Variants in NOL4L observed in about 807,000 individuals in gnomAD.
NOL4L encodes the protein nucleolar protein 4-like.
Under a neutral mutation model 64.5 loss-of-function variants are expected in NOL4L, and 7 were observed. That is an observed-to-expected ratio of 0.11 (90% CI 0.06 to 0.20). The LOEUF (loss-of-function observed/expected upper bound fraction) is 0.20, where lower values mean the gene tolerates loss of function less well. Ranked by LOEUF, NOL4L falls within the 10% of genes least tolerant of loss-of-function variation. The probability of loss-of-function intolerance (pLI) is 1.00; values close to 1 mark genes in which losing one functional copy is unlikely to be tolerated. For missense variants in NOL4L, 680 were observed against 967.1 expected (o/e 0.70, Z 3.94); for synonymous variants, 413 against 401.0 (o/e 1.03, Z -0.36).
chr20:32,581,300 G>A (rs1178111400), intron 1 of NOL4L, among the ~76,000 whole-genome samples: 1 of 152,036 alleles, frequency 6.6e-6, no homozygotes, highest in East Asian at 1.9e-4. Flanking sequence ...AGCTGCAGGA[G>A]GCCCTGTGGA....
At chr20:32,484,602 C>G (rs891446602) in intron 4 of NOL4L, among the ~76,000 whole-genome samples, 5 of 152,110 alleles carry the variant, frequency 3.3e-5, no homozygotes, top group Non-Finnish European at 5.9e-5. Context: ...GCCCCGCCGC[C>G]GGTCATTGTG....
intron 5 of NOL4L, among the ~76,000 whole-genome samples, chr20:32,473,617 G>A (rs1330435806): frequency 6.6e-6 from 1 of 152,190 alleles, no homozygotes; most frequent in Non-Finnish European, 1.5e-5. Flanking sequence ...CAGGCGCGCA[G>A]GTTCTGCCAT....
intron 5 of NOL4L, among the ~76,000 whole-genome samples, chr20:32,470,664 C>T (rs1047856813): frequency 7.2e-5 from 11 of 152,250 alleles, no homozygotes; most frequent in Middle Eastern, 3.2e-3. Context: ...AGAAAGCCCA[C>T]GCCTCAGCCG....
chr20:32,540,389 T>C (rs1302035853), intron 1 of NOL4L, among the ~76,000 whole-genome samples: 2 of 152,158 alleles, frequency 1.3e-5, no homozygotes, highest in African/African-American at 2.4e-5. Context: ...GGACATAGCC[T>C]CACACATGCA....
At chr20:32,471,237 G>A (rs920644796) in intron 5 of NOL4L, among the ~76,000 whole-genome samples, 8 of 149,310 alleles carry the variant, frequency 5.4e-5, no homozygotes, top group Admixed American at 1.3e-4. Context: ...CACTCACCCC[G>A]GTAGAGGCTC....
At chr20:32,477,772 G>A (rs1404037149) in intron 4 of NOL4L, among the ~76,000 whole-genome samples, 1 of 152,138 alleles carries the variant, frequency 6.6e-6, no homozygotes, top group Non-Finnish European at 1.5e-5. Context: ...ACACAGCCAG[G>A]GTTTCTCTGG....
rs1568648357 is a variant in NOL4L, at chr20:32,488,809, CTTTCTTTCTTTCTTTCTTTT to C, written c.700-14087_700-14068del. On this transcript the variant is annotated intron_variant, in intron 4 of 10. Coordinates refer to ENST00000621426, the MANE Select transcript of NOL4L (RefSeq NM_001256798.2). ...TTCCTTCCTTTCTTTCTTTCTTTTTCTTTCTTTCTTTCTTTCTTTTTCTTTCTTTCTTTCTTTCTTTCTTT... is the reference window on the plus strand; with the variant it reads ...TTCCTTCCTTTCTTTCTTTCTTTTTCTCTTTCTTTCTTTCTTTCTTTCTTT... 9.9e-3 allele frequency among the ~76,000 whole-genome samples: 253 copies of C among 25,632 alleles called. 12 individuals carry two copies. The highest frequency in any genetic ancestry group is 0.026 in the Middle Eastern group (2 of 78). 16.8% of individuals were successfully genotyped at this position (25,632 alleles called of 152,430 possible).
chr20:32,469,277 A>G (rs952740139), intron 5 of NOL4L, among the ~76,000 whole-genome samples: 11 of 152,240 alleles, frequency 7.2e-5, no homozygotes, highest in African/African-American at 2.7e-4. Flanking sequence ...GGCTCTGGTT[A>G]CTTAGATACA....
chr20:32,455,741 C>G (rs1033229458), intron 6 of NOL4L, among the ~76,000 whole-genome samples: 6 of 152,238 alleles, frequency 3.9e-5, no homozygotes, highest in African/African-American at 1.4e-4. Flanking sequence ...GGCACGCAGA[C>G]AAACCAGGCA....
At position 32,463,835 on chromosome 20, in the gene NOL4L, G is replaced by A. The variant is rs984381254; in HGVS notation, c.842-7440C>T. ...CCAGTGGCACCCTCTCCCGGTGGGC[G>A]ACTCCCACCAGCTCCCAGGCTAGGC... On this transcript the variant is annotated intron_variant, in intron 5 of 10. Coordinates refer to ENST00000621426, the MANE Select transcript of NOL4L (RefSeq NM_001256798.2). This position sits in a 1 kb window ranked among gnomAD's most constrained non-coding sequence, Gnocchi z 5.8. Among the ~76,000 whole-genome samples the A allele has an allele frequency of 6.6e-6, 1 of 152,212 alleles. No homozygotes were observed. Among genetic ancestry groups the A allele is most frequent in the African/African-American group, 2.4e-5 (1 of 41,542 alleles).
At chr20:32,548,798 A>ATATTC (rs2018763179) in intron 1 of NOL4L, 1 of 446,618 alleles carries the variant, frequency 2.2e-6, no homozygotes, top group South Asian at 1.6e-5. Flanking sequence ...GTCTTGCGAG[A>ATATTC]GCAGAATATC....
At chr20:32,507,929 C>T (rs996845186) in intron 4 of NOL4L, among the ~76,000 whole-genome samples, 9 of 152,226 alleles carry the variant, frequency 5.9e-5, no homozygotes, top group African/African-American at 2.2e-4. Flanking sequence ...GAGAAATGCT[C>T]GAACCTGGGA....
At chr20:32,541,742 G>A (rs533430634) in intron 1 of NOL4L, among the ~76,000 whole-genome samples, 21 of 152,380 alleles carry the variant, frequency 1.4e-4, no homozygotes, top group South Asian at 4.1e-4. Context: ...AGCTGGCGGG[G>A]TAAATGGGCC....
At chr20:32,515,728 C>T (rs1416330799) in intron 3 of NOL4L, among the ~76,000 whole-genome samples, 3 of 152,144 alleles carry the variant, frequency 2.0e-5, no homozygotes, top group South Asian at 2.1e-4. Context: ...GTGCCACACT[C>T]GAGCCTCTAC....
At chr20:32,583,380 G>A (rs1980621495) in intron 1 of NOL4L, among the ~76,000 whole-genome samples, 1 of 149,834 alleles carries the variant, frequency 6.7e-6, no homozygotes, top group African/African-American at 2.4e-5. Flanking sequence ...CGAATCAATT[G>A]TGTGTGAAGA....
At chr20:32,480,791 A>G (rs2015667003) in intron 4 of NOL4L, among the ~76,000 whole-genome samples, 1 of 152,172 alleles carries the variant, frequency 6.6e-6, no homozygotes, top group Non-Finnish European at 1.5e-5. Flanking sequence ...AGCCGCACAC[A>G]TGAAACAGGA....
At chr20:32,469,026 T>TC (rs1188424409) in intron 5 of NOL4L, among the ~76,000 whole-genome samples, 1 of 151,972 alleles carries the variant, frequency 6.6e-6, no homozygotes, top group Non-Finnish European at 1.5e-5. Context: ...GCAAGTTACT[T>TC]CCCCTCGGAG....
chr20:32,473,297 G>A lies in NOL4L; in HGVS notation c.841+1304C>T, dbSNP rs1216500186. ...CTTGGGCGTGGCCTCAATCGGCTCA[G>A]TTGAGGCGGGAGGTCAGCTGCTGCG... On this transcript the variant is annotated intron_variant, in intron 5 of 10. Transcript: ENST00000621426. Among the ~76,000 whole-genome samples, 4 of 152,176 alleles carry A rather than the reference G, an allele frequency of 2.6e-5. No homozygotes were observed. In the East Asian group the frequency reaches 7.7e-4, roughly 29 times the overall value.
intron 10 of NOL4L, 142 bp downstream of exon 10, chr20:32,452,094 C>T (rs989061950): frequency 5.2e-5 from 31 of 599,824 alleles, no homozygotes; most frequent in Non-Finnish European, 7.0e-5. Context: ...CAGAGCCGCC[C>T]CTCCTGCTCC....
Sources: gnomAD v4.1 joint callset for allele counts (sites outside exome capture counted in the v4.1 genomes callset) on GRCh38, gnomAD v4.1.1 for gene constraint, Gnocchi (gnomAD v3.1) non-coding constraint, MANE v1.5 for transcripts, NCBI Gene and HGNC (gene_info 2026-07-23, HGNC 2026-07-21) for gene names.